NCOR1: variants seen among roughly 807,000 people sequenced by gnomAD.
NCOR1 encodes the protein protein phosphatase 1, regulatory subunit 109.
In NCOR1, 63 loss-of-function variants were observed where a neutral mutation model predicts 288.1. The ratio of observed to expected loss-of-function variants is 0.22; its 90% CI spans 0.18 to 0.27. The LOEUF (loss-of-function observed/expected upper bound fraction) is 0.27, where lower values mean the gene tolerates loss of function less well. Ranked by LOEUF, NCOR1 falls within the 10% of genes least tolerant of loss-of-function variation. The probability of loss-of-function intolerance (pLI) is 1.00; values close to 1 mark genes in which losing one functional copy is unlikely to be tolerated. For missense variants in NCOR1, 2,397 were observed against 3,019.2 expected, an observed-to-expected ratio of 0.79 and a Z score of 4.83; for synonymous variants, 1,007 against 1,065.9, an observed-to-expected ratio of 0.94 and a Z score of 1.08.
intron 1 of NCOR1, among the ~76,000 whole-genome samples, chr17:16,205,620 TAAAAGAAAAG>T (rs1048116653): frequency 6.4e-5 from 8 of 125,396 alleles, no homozygotes; most frequent in South Asian, 2.5e-4. Context: ...AGGCTCTGTC[TAAAAGAAAAG>T]AAAAGAAAAG....
At chr17:16,154,734 T>C (rs552033396) in intron 6 of NCOR1, among the ~76,000 whole-genome samples, 153 of 152,248 alleles carry the variant, frequency 1.0e-3, no homozygotes, top group Non-Finnish European at 1.8e-3. Context: ...ATTTGGAGAA[T>C]CATTAAATGG....
At chr17:16,184,995 G>A (rs1366960440) in intron 3 of NCOR1, among the ~76,000 whole-genome samples, 2 of 128,010 alleles carry the variant, frequency 1.6e-5, no homozygotes, top group Admixed American at 8.8e-5. Flanking sequence ...TCGCTTATAT[G>A]TGGAATCTTA....
intron 11 of NCOR1, 45 bp downstream of exon 11, chr17:16,143,560 GC>G (rs1568301545): frequency 6.8e-7 from 1 of 1,463,236 alleles, no homozygotes; most frequent in Non-Finnish European, 9.6e-7. Flanking sequence ...GAGTTAAAAT[GC>G]TTTAATAATT....
chr17:16,208,155 C>G (rs1249839931), intron 1 of NCOR1, among the ~76,000 whole-genome samples: 2 of 148,468 alleles, frequency 1.3e-5, no homozygotes, highest in African/African-American at 4.9e-5. Flanking sequence ...ATTCTCCTGC[C>G]TCAGCCTCCT....
At position 16,121,262 on chromosome 17, in the gene NCOR1, T is replaced by C. The variant is rs965882814; in HGVS notation, c.1642A>G (p.Thr548Ala). 6.2e-7 allele frequency: 1 copy of C among 1,612,624 alleles called. No homozygotes were observed. Among genetic ancestry groups the C allele is most frequent in the African/African-American group, 1.3e-5 (1 of 74,888 alleles). The change falls in exon 16 of 46, where the codon ACC (threonine) becomes GCC (alanine). Residue 548 changes from threonine (T) to alanine (A), a missense_variant. This residue lies in a region of NCOR1 where 113 missense variants were observed against 139.5 expected (regional missense o/e 0.81). Transcript: ENST00000268712. ...KDEKEDSKEN[T>A]KEKDKIDGTA... is the part of the protein sequence containing the mutation. The stretch of plus-strand genomic sequence containing the variant: ...CCATCTATCTTGTCCTTTTCCTTGG[T>C]ATTTTCTCTGGACACAAAAGCAAAT...
At chr17:16,081,783 A>C (rs530727598) in intron 23 of NCOR1, among the ~76,000 whole-genome samples, 1 of 152,368 alleles carries the variant, frequency 6.6e-6, no homozygotes, top group East Asian at 1.9e-4. Flanking sequence ...CAGGCTAACC[A>C]AAACACTTAA....
intron 44 of NCOR1, among the ~76,000 whole-genome samples, chr17:16,038,859 C>T (rs1247053500): frequency 6.6e-6 from 1 of 152,184 alleles, no homozygotes; most frequent in African/African-American, 2.4e-5. Flanking sequence ...CAACCTCCGC[C>T]TCTCGGGTTC....
At chr17:16,086,070 A>T (rs1433712898) in intron 23 of NCOR1, among the ~76,000 whole-genome samples, 1 of 152,222 alleles carries the variant, frequency 6.6e-6, no homozygotes, top group Non-Finnish European at 1.5e-5. Context: ...GTATGTTATG[A>T]CCACTCAATC....
At chr17:16,138,112 A>C in intron 13 of NCOR1, 46 bp downstream of exon 13, 6 of 1,502,940 alleles carry the variant, frequency 4.0e-6, no homozygotes, top group Non-Finnish European at 5.5e-6. Flanking sequence ...TCAAAGTAAC[A>C]ACCATCACAA....
Position 16,127,308 on chromosome 17 carries a change from T to TAC in NCOR1, c.1510-1104_1510-1103dup, listed in dbSNP as rs547105652. ...GTGTATATATGTATGTATGTATATA[T>TAC]ACATGTATGTATATATGTATGTATA... On this transcript the variant is annotated intron_variant, in intron 14 of 45. Transcript: ENST00000268712. Among the ~76,000 whole-genome samples the TAC allele has an allele frequency of 2.3e-5, 2 of 87,984 alleles. 1 individual carries two copies. Among genetic ancestry groups the TAC allele is most frequent in the Non-Finnish European group, 4.9e-5 (2 of 41,000 alleles). The allele number at this position is 87,984 out of a possible 152,430, so 57.7% of individuals were successfully genotyped here.
chr17:16,101,208 C>A, intron 20 of NCOR1, 42 bp downstream of exon 20: 1 of 1,527,766 alleles, frequency 6.5e-7, no homozygotes, highest in South Asian at 1.3e-5. Context: ...AGTCACCAAC[C>A]AGCAGAGTAA....
At chr17:16,037,347 C>G (rs1009413190) in intron 44 of NCOR1, among the ~76,000 whole-genome samples, 2 of 151,818 alleles carry the variant, frequency 1.3e-5, no homozygotes, top group Non-Finnish European at 2.9e-5. Flanking sequence ...AAAGGAGAGC[C>G]CATGCTATTA....
chr17:16,104,337 T>C (rs2068187107), intron 19 of NCOR1, among the ~76,000 whole-genome samples: 1 of 152,236 alleles, frequency 6.6e-6, no homozygotes, highest in African/African-American at 2.4e-5. Flanking sequence ...CTTCTACAAA[T>C]TCATCCTTTC....
intron 31 of NCOR1, among the ~76,000 whole-genome samples, chr17:16,069,501 G>A (rs2061500158): frequency 6.6e-6 from 1 of 152,216 alleles, no homozygotes; most frequent in African/African-American, 2.4e-5. Context: ...GCCTCAGGTT[G>A]ATAGGGACCA....
intron 3 of NCOR1, among the ~76,000 whole-genome samples, chr17:16,185,168 C>T (rs966904245): frequency 6.6e-6 from 1 of 152,032 alleles, no homozygotes; most frequent in East Asian, 1.9e-4. Context: ...TTATGTACAA[C>T]ATGAGGACTA....
chr17:16,173,626 A>G (rs2083519122), intron 3 of NCOR1, among the ~76,000 whole-genome samples: 1 of 152,134 alleles, frequency 6.6e-6, no homozygotes, highest in South Asian at 2.1e-4. Flanking sequence ...CCAAACATGA[A>G]ACTTAAAAAA....
chr17:16,104,062 T>C (rs1464995123), intron 19 of NCOR1, among the ~76,000 whole-genome samples: 1 of 152,234 alleles, frequency 6.6e-6, no homozygotes, highest in Non-Finnish European at 1.5e-5. Context: ...GCTAATATAG[T>C]TCTGATACCA....
chr17:16,142,255 A>G (rs2077266685), intron 11 of NCOR1, among the ~76,000 whole-genome samples: 1 of 152,202 alleles, frequency 6.6e-6, no homozygotes, highest in African/African-American at 2.4e-5. Flanking sequence ...TTATTTCTAA[A>G]TCATTGAACA....
intron 38 of NCOR1, 25 bp downstream of exon 38, chr17:16,058,446 T>G (rs1229012421): frequency 6.2e-7 from 1 of 1,609,550 alleles, no homozygotes; most frequent in Non-Finnish European, 8.5e-7. Flanking sequence ...TGAAAACATG[T>G]AAATGGTAGC....
Sources: allele counts gnomAD v4.1 joint callset (sites outside exome capture counted in the v4.1 genomes callset), GRCh38; gene constraint gnomAD v4.1.1; regional missense constraint gnomAD v4.1.1; transcripts MANE v1.5; gene names NCBI Gene and HGNC (gene_info 2026-07-23, HGNC 2026-07-21).